The following USP24 variants were observed in gnomAD, a reference collection of about 807,000 sequenced individuals.
USP24 encodes ubiquitin specific peptidase 24.
A neutral mutation model predicts 361.6 loss-of-function variants in USP24; 97 were observed. The ratio of observed to expected loss-of-function variants is 0.27; its 90% CI spans 0.23 to 0.32. USP24 has a LOEUF of 0.32. Ranked by LOEUF, USP24 falls within the 10% of genes least tolerant of loss-of-function variation. USP24 has a pLI of 1.00. For missense variants in USP24, 2,353 were observed against 3,165.6 expected, an observed-to-expected ratio of 0.74 and a Z score of 6.16; for synonymous variants, 1,098 against 1,124.6, an observed-to-expected ratio of 0.98 and a Z score of 0.47.
chr1:55,175,793 AAC>A (rs1333177935), intron 3 of USP24, among the ~76,000 whole-genome samples: 2 of 152,174 alleles, frequency 1.3e-5, no homozygotes, highest in Non-Finnish European at 2.9e-5. Context: ...TGTTTTTAGA[AAC>A]ACAATTCTTG....
chr1:55,150,367 T>C (rs1171376374), intron 16 of USP24, among the ~76,000 whole-genome samples: 1 of 152,210 alleles, frequency 6.6e-6, no homozygotes, highest in African/African-American at 2.4e-5. Context: ...GCAAGTTTAT[T>C]AAATCTGAGA....
intron 44 of USP24, among the ~76,000 whole-genome samples, chr1:55,100,262 C>T (rs749616606): frequency 5.3e-5 from 8 of 152,102 alleles, no homozygotes; most frequent in East Asian, 3.9e-4. Context: ...TCTGGGAGGC[C>T]GAGGCAGGCG....
chr1:55,075,014 T>TA (rs1430198885), intron 63 of USP24, among the ~76,000 whole-genome samples: 1 of 152,162 alleles, frequency 6.6e-6, no homozygotes, highest in Non-Finnish European at 1.5e-5. Flanking sequence ...CCAAACAACT[T>TA]AAGAGTAGAC....
Position 55,147,666 on chromosome 1 carries a change from G to A in USP24, c.2101C>T (p.Arg701Trp), listed in dbSNP as rs41313383. 7.5e-6 allele frequency: 12 copies of A among 1,608,876 alleles called. No individual in the cohort carries two copies. Among genetic ancestry groups the A allele is most frequent in the East Asian group, 2.2e-5 (1 of 44,474 alleles). Residue 701 changes from arginine to tryptophan, a missense_variant, in exon 18 of 68, where the codon CGG (arginine) becomes TGG (tryptophan). By Grantham distance (101) the Arg-to-Trp change is moderately radical (BLOSUM62 -3). Coordinates refer to ENST00000294383, the MANE Select transcript of USP24 (RefSeq NM_015306.3). Reference protein sequence around the residue: ...GLSGSTLVDGRYTYREYLEAH... With the variant: ...GLSGSTLVDGWYTYREYLEAH... ...CCTGATACCTCCCGGTAAGTGTACCGGCCATCCACTAGTGTCGAGCCACTT... is the reference window on the plus strand; with the variant it reads ...CCTGATACCTCCCGGTAAGTGTACCAGCCATCCACTAGTGTCGAGCCACTT...
chr1:55,184,550 T>C (rs540273134), intron 1 of USP24, among the ~76,000 whole-genome samples: 1 of 152,088 alleles, frequency 6.6e-6, no homozygotes, highest in East Asian at 1.9e-4. Context: ...AACAAGAAAA[T>C]AGAATACTCA....
intron 60 of USP24, among the ~76,000 whole-genome samples, chr1:55,079,188 A>C (rs1645092050): frequency 6.6e-6 from 1 of 152,106 alleles, no homozygotes; most frequent in African/African-American, 2.4e-5. Context: ...AGGTTTAACA[A>C]CACACGTGGT....
intron 16 of USP24, among the ~76,000 whole-genome samples, chr1:55,150,859 T>C (rs1054570245): frequency 1.1e-4 from 16 of 152,214 alleles, no homozygotes; most frequent in Non-Finnish European, 1.5e-4. Flanking sequence ...AATGAAGATA[T>C]CTGATAATGT....
At position 55,121,500 on chromosome 1, in the gene USP24, A is replaced by G. The variant is rs1336283369; in HGVS notation, c.4283T>C (p.Phe1428Ser). 6.8e-6 allele frequency: 11 copies of G among 1,613,414 alleles called. No homozygotes were observed. The highest frequency in any genetic ancestry group is 7.6e-6 in the Non-Finnish European group (9 of 1,179,632). Residue 1428 changes from phenylalanine (F) to serine (S), a missense_variant, in exon 37 of 68, where the codon TTC becomes TCC. Around this residue, in one of 8 missense-constraint regions of USP24, gnomAD observed 949 missense variants for 1,280.5 expected, o/e 0.74. Transcript: ENST00000294383. ...LQLRSQQLASFYNLPCVADFI... is the reference protein window; with the variant it reads ...LQLRSQQLASSYNLPCVADFI... ...ATCAGCAACACAGGGCAAGTTATAGAAAGATGCTAATAAGAAGAAATGGGG... is the reference window on the plus strand; with the variant it reads ...ATCAGCAACACAGGGCAAGTTATAGGAAGATGCTAATAAGAAGAAATGGGG...
rs146244341 is a variant in USP24, at chr1:55,169,146, A to G, written c.825+2410T>C. On this transcript the variant is annotated intron_variant, in intron 5 of 67. Transcript: ENST00000294383. ...TGAAACAGTCAAAAAAACAAAATTT[A>G]TATAAATTAAAAATTCAGTAACCAA... Among the ~76,000 whole-genome samples the G allele has an allele frequency of 5.3e-5, 8 of 152,294 alleles. No homozygotes were observed. In the East Asian group the frequency reaches 1.2e-3, roughly 22 times the overall value.
intron 2 of USP24, among the ~76,000 whole-genome samples, chr1:55,177,182 A>C (rs1650076438): frequency 6.6e-6 from 1 of 152,186 alleles, no homozygotes; most frequent in Non-Finnish European, 1.5e-5. Flanking sequence ...CTTCTTCCCT[A>C]AAACAAACCA....
intron 1 of USP24, among the ~76,000 whole-genome samples, chr1:55,196,517 C>T (rs947855814): frequency 6.6e-6 from 1 of 151,904 alleles, no homozygotes; most frequent in Non-Finnish European, 1.5e-5. Context: ...CAATTTCCGC[C>T]CCCCCAATAG....
intron 40 of USP24, 106 bp downstream of exon 40, chr1:55,107,133 T>C: frequency 7.3e-7 from 1 of 1,370,752 alleles, no homozygotes; most frequent in Non-Finnish European, 9.8e-7. Context: ...AGGGTCAATT[T>C]TCCATGGAAC....
Position 55,095,262 on chromosome 1 carries a change from G to C in USP24, c.6196C>G (p.Leu2066Val). Residue 2066 changes from leucine (L) to valine (V), a missense_variant, in exon 51 of 68, where the codon CTC (leucine) becomes GTC (valine). By Grantham distance (32) the Leu-to-Val change is conservative. This residue lies in a region of USP24 where 598 missense variants were observed against 761.9 expected (regional missense o/e 0.78). Transcript: ENST00000294383. ...CATGGAAGAGACACTTACAGAGAGA[G>C]ATCCTCAGCTTCCTGCCGTACAACG... Reference protein sequence around the residue: ...VSVVRQEAEDLSLSAPSSPEI... With the variant: ...VSVVRQEAEDVSLSAPSSPEI... The C allele has an allele frequency of 4.3e-6, 7 of 1,613,598 alleles. No homozygotes were observed. The highest frequency in any genetic ancestry group is 5.9e-6 in the Non-Finnish European group (7 of 1,179,766).
intron 28 of USP24, among the ~76,000 whole-genome samples, chr1:55,136,971 AGAG>A (rs1557617272): frequency 1.3e-5 from 2 of 152,134 alleles, no homozygotes; most frequent in African/African-American, 4.8e-5. Flanking sequence ...GACTGTAGAC[AGAG>A]GAGAGGTCCA....
chr1:55,087,314 A>G (rs1343904020), intron 55 of USP24, among the ~76,000 whole-genome samples: 1 of 152,220 alleles, frequency 6.6e-6, no homozygotes, highest in Non-Finnish European at 1.5e-5. Context: ...GAAGTAATTC[A>G]CTGGGATTCT....
At chr1:55,074,542 G>A (rs1251150402) in intron 63 of USP24, among the ~76,000 whole-genome samples, 1 of 152,090 alleles carries the variant, frequency 6.6e-6, no homozygotes, top group Non-Finnish European at 1.5e-5. Flanking sequence ...GCTGAGGTGG[G>A]AGGATCACTT....
chr1:55,100,962 T>C lies in USP24; in HGVS notation c.5148A>G (p.Ser1716=). Residue 1716 remains serine, a splice_region_variant and synonymous_variant, in exon 44 of 68, where the codon TCA becomes TCG. Transcript: ENST00000294383. ...CTGTGTCATCATCCACTGAAAGTAA[T>C]GACTGCACAGAAAAGAAACATATCA... The part of the protein sequence containing the change: ...QLYMQPGLPE[S]LLSVDDDTDN... The C allele has an allele frequency of 1.2e-6, 2 of 1,608,916 alleles. No homozygotes were observed. Among genetic ancestry groups the C allele is most frequent in the East Asian group, 2.2e-5 (1 of 44,780 alleles).
Position 55,085,951 on chromosome 1 carries a change from A to G in USP24, c.6756T>C (p.Tyr2252=). Residue 2252 remains tyrosine (Y), a synonymous_variant, in exon 56 of 68, where the codon TAT becomes TAC. Transcript: ENST00000294383. ...LEKTLDSALF[Y]QDKLKSLHQL... Reference sequence around the variant, plus strand: ...TAAAAATGAGACCGACCTTATCCTGATAAAACAAGGCACTGTCTAGGGTTT... The same window carrying G: ...TAAAAATGAGACCGACCTTATCCTGGTAAAACAAGGCACTGTCTAGGGTTT... 1.9e-6 allele frequency: 3 copies of G among 1,613,936 alleles called. No homozygotes were observed. The highest frequency in any genetic ancestry group is 2.5e-6 in the Non-Finnish European group (3 of 1,179,814).
chr1:55,076,704 A>G (rs981933403), intron 62 of USP24, among the ~76,000 whole-genome samples: 3 of 152,140 alleles, frequency 2.0e-5, no homozygotes, highest in Non-Finnish European at 4.4e-5. Context: ...CCATCCTTCA[A>G]TACAACTGCC....
Sources: gnomAD v4.1 joint callset for allele counts (sites outside exome capture counted in the v4.1 genomes callset) on GRCh38, gnomAD v4.1.1 for gene constraint, gnomAD v4.1.1 regional missense constraint, MANE v1.5 for transcripts, NCBI Gene and HGNC (gene_info 2026-07-23, HGNC 2026-07-21) for gene names.